Variants in CA4 observed in about 807,000 individuals in gnomAD.
CA4 encodes carbonic anhydrase 4.
A neutral mutation model predicts 34.5 loss-of-function variants in CA4; 24 were observed. That is an observed-to-expected ratio of 0.70 (90% CI 0.50 to 0.98). The LOEUF is 0.98. CA4 is among the 50% of genes least tolerant of loss of function. The pLI, the probability that CA4 is intolerant of heterozygous loss-of-function variation, is 0.00. For synonymous variants in CA4, 178 were observed against 170.6 expected, an observed-to-expected ratio of 1.04 and a Z score of -0.34; for missense variants, 394 against 396.7, an observed-to-expected ratio of 0.99 and a Z score of 0.06.
intron 1 of CA4, among the ~76,000 whole-genome samples, chr17:60,150,588 G>T (rs1335679320): frequency 7.0e-6 from 1 of 142,158 alleles, no homozygotes; most frequent in Non-Finnish European, 1.5e-5. Flanking sequence ...CCCGAGAATC[G>T]CTTGAACCCA....
downstream of CA4, among the ~76,000 whole-genome samples, chr17:60,175,819 A>T (rs1294426138): frequency 3.0e-4 from 42 of 138,396 alleles, 1 homozygote; most frequent in African/African-American, 9.2e-4. Context: ...CATTTTATAC[A>T]TTTTTTTTTT....
downstream of CA4, among the ~76,000 whole-genome samples, chr17:60,162,591 GC>G (rs998771173): frequency 1.4e-5 from 2 of 140,684 alleles, no homozygotes; most frequent in Non-Finnish European, 3.1e-5. Context: ...ACACACACCA[GC>G]CTTCACTCCT....
intron 5 of CA4, among the ~76,000 whole-genome samples, chr17:60,169,682 G>A (rs1299847459): frequency 1.3e-5 from 2 of 152,054 alleles, no homozygotes; most frequent in Non-Finnish European, 2.9e-5. Context: ...GTAGAGATGG[G>A]GTTTCACCAT....
downstream of CA4, among the ~76,000 whole-genome samples, chr17:60,161,419 A>G (rs1231982077): frequency 1.3e-5 from 2 of 152,126 alleles, no homozygotes; most frequent in Non-Finnish European, 2.9e-5. Flanking sequence ...TGGGGCACCC[A>G]GGTTTCCCTG....
downstream of CA4, among the ~76,000 whole-genome samples, chr17:60,173,507 C>G (rs914546017): frequency 6.6e-6 from 1 of 152,228 alleles, no homozygotes; most frequent in African/African-American, 2.4e-5. Context: ...TTGCATTTCC[C>G]TGGGGTACAC....
chr17:60,178,077 T>A, the CA4 span, among the ~76,000 whole-genome samples: 20 of 151,780 alleles, frequency 1.3e-4, no homozygotes, highest in Non-Finnish European at 2.2e-4. Context: ...CTGTAAAATT[T>A]AAAAAAAAGA....
At chr17:60,175,186 C>G (rs888428429), downstream of CA4, among the ~76,000 whole-genome samples, 1 of 95,302 alleles carries the variant, frequency 1.0e-5, no homozygotes, top group Non-Finnish European at 1.8e-5. Context: ...CCACACCCAG[C>G]TGATTTTTTT....
rs2083758139 is a variant in CA4 at position 60,159,394 on chromosome 17, G to T, written c.909G>T (p.Leu303=). ...WALPALLGPM[L]ACLLAGFLR The stretch of plus-strand genomic sequence containing the variant: ...TGCCTGCCCTGCTGGGCCCCATGCT[G>T]GCCTGCCTGCTGGCCGGCTTCCTGC... Residue 303 remains leucine (L), a synonymous_variant, in exon 8 of 8, where the codon CTG becomes CTT. Transcript: ENST00000300900. 6.2e-7 allele frequency: 1 copy of T among 1,612,428 alleles called. No individual in the cohort carries two copies. The highest frequency in any genetic ancestry group is 8.5e-7 in the Non-Finnish European group (1 of 1,179,728).
Position 60,156,703 on chromosome 17 carries a change from A to G in CA4, c.256A>G (p.Asn86Asp), listed in dbSNP as rs1162326339. 2 of 1,613,930 alleles carry G rather than the reference A, an allele frequency of 1.2e-6. No homozygotes were observed. The highest frequency in any genetic ancestry group is 1.3e-5 in the African/African-American group (1 of 74,902). Residue 86 changes from asparagine (N) to aspartate (D), a missense_variant, in exon 3 of 8, where the codon AAC (asparagine) becomes GAC (aspartate). Asn to Asp is a conservative substitution (Grantham distance 23, BLOSUM62 1). Coordinates refer to ENST00000300900, the MANE Select transcript of CA4 (RefSeq NM_000717.5). ...GAAGCAAACGTGGACTGTCCAAAATAACGGGCACTCAGGTGGGCTGGATGG... is the reference window on the plus strand; with the variant it reads ...GAAGCAAACGTGGACTGTCCAAAATGACGGGCACTCAGGTGGGCTGGATGG... ...DKKQTWTVQN[N>D]GHSVMMLLEN...
At chr17:60,175,145 G>A (rs184142414), downstream of CA4, among the ~76,000 whole-genome samples, 74 of 149,374 alleles carry the variant, frequency 5.0e-4, no homozygotes, top group African/African-American at 1.8e-3. Flanking sequence ...TCAGCCTCCC[G>A]AGTAGCTGGG....
chr17:60,158,613 C>G, intron 7 of CA4, 167 bp downstream of exon 7: 1 of 690,898 alleles, frequency 1.4e-6, no homozygotes, highest in South Asian at 1.8e-5. Context: ...AAAGCCTGAG[C>G]TGTTCCATCA....
chr17:60,165,449 G>T (rs911971534), intron 5 of CA4, among the ~76,000 whole-genome samples: 33 of 152,190 alleles, frequency 2.2e-4, no homozygotes, highest in African/African-American at 8.0e-4. Context: ...TGCCTTAGGG[G>T]GTAGCAGGTG....
At chr17:60,156,108 G>GCC (rs768492926) in intron 2 of CA4, among the ~76,000 whole-genome samples, 4 of 151,968 alleles carry the variant, frequency 2.6e-5, no homozygotes, top group African/African-American at 9.7e-5. Context: ...TTCATCAGCA[G>GCC]CCCCCCCGGG....
At chr17:60,176,456 G>A in the CA4 span, among the ~76,000 whole-genome samples, 8 of 151,806 alleles carry the variant, frequency 5.3e-5, no homozygotes, top group South Asian at 6.3e-4. Flanking sequence ...CCAGACAGAC[G>A]ACTAGGGACA....
At chr17:60,168,478 T>A (rs1019480441) in intron 5 of CA4, among the ~76,000 whole-genome samples, 3 of 17,746 alleles carry the variant, frequency 1.7e-4, no homozygotes, top group African/African-American at 7.8e-4. Context: ...GGGGGGCAGG[T>A]GGGGAAGGGT....
At chr17:60,178,077 T>TA in the CA4 span, among the ~76,000 whole-genome samples, 1,212 of 151,896 alleles carry the variant, frequency 8.0e-3, 16 homozygotes, top group African/African-American at 0.026. Context: ...CTGTAAAATT[T>TA]AAAAAAAAGA....
chr17:60,156,468 C>A (rs2145268931), intron 2 of CA4, 92 bp from the exon 3 acceptor site: 1 of 1,292,000 alleles, frequency 7.7e-7, no homozygotes, highest in East Asian at 2.3e-5. Context: ...TGTGTGGGAA[C>A]TGAGTGGGTG....
intron 3 of CA4, 102 bp downstream of exon 3, chr17:60,156,817 C>T: frequency 9.1e-7 from 1 of 1,103,534 alleles, no homozygotes. Context: ...CCAGGCCCAT[C>T]TGTGCTGTGA....
At chr17:60,157,842 T>C (rs1222874595) in intron 5 of CA4, 54 bp downstream of exon 5, 2 of 1,557,186 alleles carry the variant, frequency 1.3e-6, no homozygotes. Flanking sequence ...AGCTTCTTCT[T>C]AGGATTCAGA....
Sources: gnomAD v4.1 joint callset for allele counts (sites outside exome capture counted in the v4.1 genomes callset) on GRCh38, gnomAD v4.1.1 for gene constraint, MANE v1.5 for transcripts, NCBI Gene and HGNC (gene_info 2026-07-23, HGNC 2026-07-21) for gene names.